HCN1: variants seen among roughly 807,000 people sequenced by gnomAD.
The protein encoded by HCN1 is potassium/sodium hyperpolarization-activated cyclic nucleotide-gated channel 1.
A neutral mutation model predicts 78.9 loss-of-function variants in HCN1; 13 were observed. That is an observed-to-expected ratio of 0.16 (90% CI 0.11 to 0.26). The LOEUF (loss-of-function observed/expected upper bound fraction) is 0.26, where lower values mean the gene tolerates loss of function less well. Ranked by LOEUF, HCN1 falls within the 10% of genes least tolerant of loss-of-function variation. The pLI, the probability that HCN1 is intolerant of heterozygous loss-of-function variation, is 1.00. For synonymous variants in HCN1, 552 were observed against 455.5 expected (o/e 1.21, Z -2.70); for missense variants, 810 against 1,154.3 (o/e 0.70, Z 4.32).
chr5:45,283,629 A>G (rs560939816), intron 6 of HCN1, among the ~76,000 whole-genome samples: 1 of 152,326 alleles, frequency 6.6e-6, no homozygotes, highest in African/African-American at 2.4e-5. Context: ...ACCATTAAAA[A>G]GTAAAAAAAT....
intron 5 of HCN1, among the ~76,000 whole-genome samples, chr5:45,310,762 C>T (rs1399687096): frequency 1.3e-5 from 2 of 152,014 alleles, no homozygotes; most frequent in East Asian, 1.9e-4. Flanking sequence ...TGGAATCAAC[C>T]CAAATGCTCA....
intron 3 of HCN1, among the ~76,000 whole-genome samples, chr5:45,459,947 T>C (rs2111621500): frequency 6.6e-6 from 1 of 152,238 alleles, no homozygotes; most frequent in South Asian, 2.1e-4. Context: ...AAGTGACAGA[T>C]CTATAATCAA....
At chr5:45,684,073 T>C (rs1051727771) in intron 1 of HCN1, among the ~76,000 whole-genome samples, 2 of 152,194 alleles carry the variant, frequency 1.3e-5, no homozygotes, top group Non-Finnish European at 2.9e-5. Context: ...ATGACAATAT[T>C]AGATAGTTCA....
At chr5:45,306,226 T>C (rs1745731095) in intron 5 of HCN1, among the ~76,000 whole-genome samples, 1 of 152,056 alleles carries the variant, frequency 6.6e-6, no homozygotes, top group Non-Finnish European at 1.5e-5. Context: ...ATAAAAATAA[T>C]AGAGAATCCC....
At chr5:45,543,650 G>A (rs1309871516) in intron 2 of HCN1, among the ~76,000 whole-genome samples, 1 of 152,044 alleles carries the variant, frequency 6.6e-6, no homozygotes, top group African/African-American at 2.4e-5. Flanking sequence ...ATCCTGGTAA[G>A]CTGAATATCA....
intron 2 of HCN1, among the ~76,000 whole-genome samples, chr5:45,616,376 C>A (rs918051248): frequency 1.6e-4 from 25 of 151,852 alleles, no homozygotes; most frequent in African/African-American, 5.8e-4. Context: ...TGAGAGTGCG[C>A]CTAAAATAGT....
intron 2 of HCN1, among the ~76,000 whole-genome samples, chr5:45,562,509 A>AAAAG (rs1743625208): frequency 1.0e-5 from 1 of 97,464 alleles, no homozygotes; most frequent in African/African-American, 5.3e-5. Flanking sequence ...CCATGTCTAC[A>AAAAG]AAACAAACAA....
chr5:45,443,392 T>C (rs538602948), intron 3 of HCN1, among the ~76,000 whole-genome samples: 1 of 152,220 alleles, frequency 6.6e-6, no homozygotes, highest in South Asian at 2.1e-4. Context: ...TTAGTTCTAT[T>C]TTAATGACAT....
intron 2 of HCN1, among the ~76,000 whole-genome samples, chr5:45,491,594 ATTTG>A (rs1741888080): frequency 6.6e-6 from 1 of 152,036 alleles, no homozygotes; most frequent in Admixed American, 6.6e-5. Context: ...TGCCTCATTC[ATTTG>A]TTTACTTACT....
intron 2 of HCN1, among the ~76,000 whole-genome samples, chr5:45,509,412 A>C (rs1026279884): frequency 6.6e-6 from 1 of 152,112 alleles, no homozygotes; most frequent in African/African-American, 2.4e-5. Flanking sequence ...AGGGAAAAAA[A>C]AGCATTTGAA....
At chr5:45,346,159 C>T (rs1746701251) in intron 5 of HCN1, among the ~76,000 whole-genome samples, 1 of 152,162 alleles carries the variant, frequency 6.6e-6, no homozygotes, top group Non-Finnish European at 1.5e-5. Flanking sequence ...GTAACCATCC[C>T]CATGATTCAA....
intron 3 of HCN1, among the ~76,000 whole-genome samples, chr5:45,409,232 T>G (rs1198348600): frequency 5.3e-5 from 8 of 152,014 alleles, no homozygotes; most frequent in African/African-American, 1.9e-4. Flanking sequence ...AAGAGTTTTG[T>G]AAATGAGGGG....
At chr5:45,535,861 T>TA (rs1428291333) in intron 2 of HCN1, among the ~76,000 whole-genome samples, 1 of 152,168 alleles carries the variant, frequency 6.6e-6, no homozygotes, top group Non-Finnish European at 1.5e-5. Context: ...TTCAGACTCT[T>TA]AAGTCTTCAA....
intron 5 of HCN1, among the ~76,000 whole-genome samples, chr5:45,310,554 T>C (rs1366416909): frequency 6.6e-6 from 1 of 152,186 alleles, no homozygotes; most frequent in Non-Finnish European, 1.5e-5. Flanking sequence ...GGAACGTTTA[T>C]ACACCCTTGA....
chr5:45,376,193 T>C (rs1479106217), intron 4 of HCN1, among the ~76,000 whole-genome samples: 1 of 7,804 alleles, frequency 1.3e-4, no homozygotes, highest in East Asian at 2.0e-3. Flanking sequence ...ATATAATATA[T>C]ATAACATATT....
chr5:45,670,764 T>G (rs1484018896), intron 1 of HCN1, among the ~76,000 whole-genome samples: 1 of 151,704 alleles, frequency 6.6e-6, no homozygotes, highest in Non-Finnish European at 1.5e-5. Context: ...CAATGCATAT[T>G]TTTCAAAGGA....
intron 5 of HCN1, among the ~76,000 whole-genome samples, chr5:45,342,419 A>G (rs931613625): frequency 3.1e-5 from 4 of 126,994 alleles, no homozygotes; most frequent in Admixed American, 7.8e-5. Flanking sequence ...TGTATTTTTT[A>G]TTAGAGATGG....
chr5:45,346,815 G>A (rs1746725862), intron 5 of HCN1, among the ~76,000 whole-genome samples: 1 of 152,180 alleles, frequency 6.6e-6, no homozygotes, highest in African/African-American at 2.4e-5. Flanking sequence ...CTGCGGGAGG[G>A]GCACCCTCCA....
intron 2 of HCN1, among the ~76,000 whole-genome samples, chr5:45,615,342 G>A (rs1314438068): frequency 3.9e-5 from 6 of 152,032 alleles, no homozygotes; most frequent in South Asian, 4.1e-4. Context: ...TTCATTTTAC[G>A]CAGATGGCTA....
Sources: gnomAD v4.1 joint callset for allele counts (sites outside exome capture counted in the v4.1 genomes callset) on GRCh38, gnomAD v4.1.1 for gene constraint, MANE v1.5 for transcripts, NCBI Gene and HGNC (gene_info 2026-07-23, HGNC 2026-07-21) for gene names.